SFRP1: variants seen among roughly 807,000 people sequenced by gnomAD.
SFRP1 encodes secreted frizzled-related protein 1.
In SFRP1, 9 loss-of-function variants were observed where a neutral mutation model predicts 25.9. That is an observed-to-expected ratio of 0.35 (90% CI 0.21 to 0.61). The LOEUF (loss-of-function observed/expected upper bound fraction) is 0.61, where lower values mean the gene tolerates loss of function less well. Ranked by LOEUF, SFRP1 falls within the 20% of genes least tolerant of loss-of-function variation. SFRP1 has a pLI of 0.78. For missense variants in SFRP1, 346 were observed against 418.2 expected, an observed-to-expected ratio of 0.83 and a Z score of 1.51; for synonymous variants, 178 against 174.0, an observed-to-expected ratio of 1.02 and a Z score of -0.18.
chr8:41,294,865 C>A (rs1276934802), intron 2 of SFRP1, among the ~76,000 whole-genome samples: 1 of 152,110 alleles, frequency 6.6e-6, no homozygotes, highest in Non-Finnish European at 1.5e-5. Context: ...CCAGTTCCTG[C>A]TCCTGCCGCT....
In SFRP1 at chr8:41,276,454, C is replaced by A. The variant is rs540906686; in HGVS notation, c.623-10965G>T. ...ATAAGTCCTACTGACAATGGCCTTG[C>A]AATGGCAGCTTAACAGACCCCACTG... On this transcript the variant is annotated intron_variant, in intron 2 of 2. Transcript: ENST00000220772. 4.6e-5 allele frequency among the ~76,000 whole-genome samples: 7 copies of A among 152,316 alleles called. No homozygotes were observed. The East Asian group carries it at 1.3e-3, about 29-fold the overall frequency.
chr8:41,290,735 G>A (rs1037190489), intron 2 of SFRP1, among the ~76,000 whole-genome samples: 3 of 151,898 alleles, frequency 2.0e-5, no homozygotes, highest in African/African-American at 7.3e-5. Flanking sequence ...CCTCTCATAC[G>A]GGACGCGGCT....
At chr8:41,290,991 C>T (rs772038677) in intron 2 of SFRP1, among the ~76,000 whole-genome samples, 46 of 141,144 alleles carry the variant, frequency 3.3e-4, no homozygotes, top group Non-Finnish European at 3.2e-4. Context: ...ACTGCAAGCT[C>T]CACCTCCCAG....
At chr8:41,286,142 G>A (rs1297089203) in intron 2 of SFRP1, among the ~76,000 whole-genome samples, 2 of 151,870 alleles carry the variant, frequency 1.3e-5, no homozygotes, top group Non-Finnish European at 1.5e-5. Flanking sequence ...TGGGGACGAT[G>A]AACCCAAGAG....
At chr8:41,290,229 T>C (rs1803758653) in intron 2 of SFRP1, among the ~76,000 whole-genome samples, 1 of 152,200 alleles carries the variant, frequency 6.6e-6, no homozygotes. Flanking sequence ...ATCTCGCAGA[T>C]ATAACCCCAC....
At chr8:41,275,332 T>TAA (rs33974931) in intron 2 of SFRP1, 92 of 244,678 alleles carry the variant, frequency 3.8e-4, no homozygotes, top group Admixed American at 6.9e-4. Flanking sequence ...AAGGTGCTGT[T>TAA]AAAAAAAAAA....
chr8:41,288,531 A>AG, intron 2 of SFRP1, among the ~76,000 whole-genome samples: 1 of 8,702 alleles, frequency 1.1e-4, no homozygotes, highest in Non-Finnish European at 2.1e-4. Context: ...GACCCTGTCC[A>AG]AAAAAAAAAA....
At chr8:41,265,511 G>T in intron 2 of SFRP1, 22 bp from the exon 3 acceptor site, 1 of 1,549,454 alleles carries the variant, frequency 6.5e-7, no homozygotes, top group Non-Finnish European at 8.7e-7. Context: ...GAGGACAGAA[G>T]AAGAGAAAAG....
intron 1 of SFRP1, among the ~76,000 whole-genome samples, chr8:41,308,415 G>C (rs563777729): frequency 6.6e-6 from 1 of 152,370 alleles, no homozygotes; most frequent in Admixed American, 6.5e-5. Flanking sequence ...GTGCACCTGG[G>C]TCGCGAGGGG....
At position 41,308,772 on chromosome 8, in the gene SFRP1, G is replaced by C; in HGVS notation, c.388C>G (p.Arg130Gly). Residue 130 changes from arginine (R) to glycine (G), a missense_variant, in exon 1 of 3, where the codon CGC (arginine) becomes GGC (glycine). Coordinates refer to ENST00000220772, the MANE Select transcript of SFRP1 (RefSeq NM_003012.5). Reference sequence around the variant, plus strand: ...TCGCGCACGGCCTCGCAGAGCCAGCGACACGGGTAGATGGGCCGGTCCAGG... The same window carrying C: ...TCGCGCACGGCCTCGCAGAGCCAGCCACACGGGTAGATGGGCCGGTCCAGG... The part of the protein sequence containing the change: ...VCLDRPIYPC[R>G]WLCEAVRDSC... 6.2e-7 allele frequency: 1 copy of C among 1,610,920 alleles called. No homozygotes were observed.
intron 2 of SFRP1, among the ~76,000 whole-genome samples, chr8:41,297,601 T>C (rs1259628195): frequency 6.6e-6 from 1 of 152,154 alleles, no homozygotes; most frequent in Non-Finnish European, 1.5e-5. Context: ...CCACACTTGA[T>C]TAAATCCAAT....
In SFRP1 at chr8:41,288,951, C is replaced by T. The variant is rs1186534113; in HGVS notation, c.622+14510G>A. The stretch of plus-strand genomic sequence containing the variant: ...AAGATGGCGCTGGGGCCAGGATGTC[C>T]AGCAGTGCCCAGCCCTGGTCAGAGA... On this transcript the variant is annotated intron_variant, in intron 2 of 2. Coordinates refer to ENST00000220772, the MANE Select transcript of SFRP1 (RefSeq NM_003012.5). 2.0e-5 allele frequency among the ~76,000 whole-genome samples: 3 copies of T among 152,168 alleles called. No homozygotes were observed. In the East Asian group the frequency reaches 5.8e-4, roughly 29 times the overall value.
At chr8:41,290,463 T>C (rs1367679731) in intron 2 of SFRP1, among the ~76,000 whole-genome samples, 1 of 152,228 alleles carries the variant, frequency 6.6e-6, no homozygotes, top group East Asian at 1.9e-4. Context: ...GAGAGAAAAG[T>C]CAGGACCATT....
chr8:41,273,803 C>T lies in SFRP1; in HGVS notation c.623-8314G>A, dbSNP rs144836061. On this transcript the variant is annotated intron_variant, in intron 2 of 2. Coordinates refer to ENST00000220772, the MANE Select transcript of SFRP1 (RefSeq NM_003012.5). ...AGAAGGCTGGAAACGTGTGTGTGTCCAAGAGGGTGTTTCAGAGGAGACTGA... is the reference window on the plus strand; with the variant it reads ...AGAAGGCTGGAAACGTGTGTGTGTCTAAGAGGGTGTTTCAGAGGAGACTGA... Among the ~76,000 whole-genome samples, 350 of 152,134 alleles carry T rather than the reference C, an allele frequency of 2.3e-3. 2 individuals are homozygous for T. Among genetic ancestry groups the T allele is most frequent in the Non-Finnish European group, 2.8e-3 (193 of 68,002 alleles).
In SFRP1 at chr8:41,263,915, T is replaced by C. The variant is rs1212284406; in HGVS notation, c.*1252A>G. Reference sequence around the variant, plus strand: ...GGCTGTTCTGAATTTCTTTGATCCATAGGCAATCAAGTTCAAAGGAAATGT... The same window carrying C: ...GGCTGTTCTGAATTTCTTTGATCCACAGGCAATCAAGTTCAAAGGAAATGT... On this transcript the variant is annotated 3_prime_UTR_variant, in exon 3 of 3. Coordinates refer to ENST00000220772, the MANE Select transcript of SFRP1 (RefSeq NM_003012.5). 1 of 152,182 alleles carries C rather than the reference T, an allele frequency of 6.6e-6. No individual in the cohort carries two copies. The highest frequency in any genetic ancestry group is 1.5e-5 in the Non-Finnish European group (1 of 68,042). The allele number at this position is 152,182 out of a possible 1,614,324, so 9.4% of individuals were successfully genotyped here.
In SFRP1 at chr8:41,308,642, T is replaced by C. The variant is rs988681383; in HGVS notation, c.518A>G (p.Asn173Ser). The stretch of plus-strand genomic sequence containing the variant: ...TTGGGGCTTGGAGGCTTCGGTGGCA[T>C]TGGGCGGCGTCATGGCGATGCAGAC... The part of the protein sequence containing the change: ...GDVCIAMTPP[N>S]ATEASKPQGT... The change falls in exon 1 of 3, where the codon AAT becomes AGT. Residue 173 changes from asparagine (N) to serine (S), a missense_variant. Physicochemically the swap from Asn to Ser is conservative, Grantham distance 46. Transcript: ENST00000220772. 6.2e-7 allele frequency: 1 copy of C among 1,605,978 alleles called. No homozygotes were observed.
chr8:41,292,047 C>T (rs994055511), intron 2 of SFRP1, among the ~76,000 whole-genome samples: 1 of 152,130 alleles, frequency 6.6e-6, no homozygotes, highest in Non-Finnish European at 1.5e-5. Flanking sequence ...GCAGGGCTTC[C>T]CACTCATAAC....
At chr8:41,303,931 C>T (rs1332672665) in intron 1 of SFRP1, among the ~76,000 whole-genome samples, 1 of 152,144 alleles carries the variant, frequency 6.6e-6, no homozygotes, top group Non-Finnish European at 1.5e-5. Flanking sequence ...ATACCATCCT[C>T]CGATTCCTGC....
chr8:41,307,482 G>A (rs1804013032), intron 1 of SFRP1, among the ~76,000 whole-genome samples: 1 of 152,206 alleles, frequency 6.6e-6, no homozygotes, highest in Non-Finnish European at 1.5e-5. Context: ...GACACTTTAA[G>A]GTGAGCTAAG....
Sources: gnomAD v4.1 joint callset for allele counts (sites outside exome capture counted in the v4.1 genomes callset) on GRCh38, gnomAD v4.1.1 for gene constraint, MANE v1.5 for transcripts, NCBI Gene and HGNC (gene_info 2026-07-23, HGNC 2026-07-21) for gene names.